BOD1L1: variants seen among roughly 807,000 people sequenced by gnomAD.
The protein encoded by BOD1L1 is biorientation of chromosomes in cell division 1 like 1, also known as biorientation of chromosomes in cell division protein 1-like 1.
BOD1L1 carries 86 observed loss-of-function variants against 240.7 expected under a neutral mutation model. That is an observed-to-expected ratio of 0.36 (90% confidence interval 0.30 to 0.43). The LOEUF is 0.43. Ranked by LOEUF, BOD1L1 falls within the 20% of genes least tolerant of loss-of-function variation. BOD1L1 has a pLI of 1.00. For synonymous variants in BOD1L1, 1,268 were observed against 1,272.3 expected, an observed-to-expected ratio of 1.00 and a Z score of 0.07; for missense variants, 3,554 against 3,643.5, an observed-to-expected ratio of 0.98 and a Z score of 0.63.
chr4:13,612,989 T>C (rs1195763386), intron 5 of BOD1L1, among the ~76,000 whole-genome samples: 1 of 152,220 alleles, frequency 6.6e-6, no homozygotes, highest in Admixed American at 6.5e-5. Flanking sequence ...TGGAAGTAAC[T>C]GTCTGAAACT....
In BOD1L1 at chr4:13,600,062, A is replaced by G; in HGVS notation, c.6838T>C (p.Ser2280Pro). ...SAVPQEEGDP[S>P]VTPAEEMGDT... ...CCCATCTCTTCCGCTGGTGTGACTG[A>G]GGGGTCGCCTTCCTCTTGAGGGACA... The change falls in exon 10 of 26, where the codon TCA (serine) becomes CCA (proline). Residue 2280 changes from serine to proline, a missense_variant. Around this residue, in one of 2 missense-constraint regions of BOD1L1, gnomAD observed 3,393 missense variants for 3,427.1 expected, o/e 0.99. Transcript: ENST00000040738. 6.2e-7 allele frequency: 1 copy of G among 1,612,590 alleles called. No homozygotes were observed. The highest frequency in any genetic ancestry group is 8.5e-7 in the Non-Finnish European group (1 of 1,179,308).
chr4:13,596,981 C>T, intron 11 of BOD1L1, 123 bp downstream of exon 11: 1 of 760,752 alleles, frequency 1.3e-6, no homozygotes, highest in South Asian at 1.8e-5. Context: ...GCAATAACAA[C>T]ACTAAATATC....
Position 13,604,657 on chromosome 4 carries a change from T to A in BOD1L1, c.2243A>T (p.Asp748Val), listed in dbSNP as rs766786191. The change falls in exon 10 of 26, where the codon GAT becomes GTT. Residue 748 changes from aspartate (D) to valine (V), a missense_variant. This residue lies in a region of BOD1L1 where 3,393 missense variants were observed against 3,427.1 expected (regional missense o/e 0.99). Coordinates refer to ENST00000040738, the MANE Select transcript of BOD1L1 (RefSeq NM_148894.3). ...CTCATCACCTGTTTTATGCATACAA[T>A]CACCTTTATATTTATGTTTCACAGA... ...KLSVKHKYKG[D>V]CMHKTGDETE... is the part of the protein sequence containing the mutation. The A allele has an allele frequency of 6.3e-7, 1 of 1,584,690 alleles. No individual in the cohort carries two copies. The highest frequency in any genetic ancestry group is 1.4e-5 in the African/African-American group (1 of 73,094).
At chr4:13,574,989 G>A (rs551675932) in intron 25 of BOD1L1, among the ~76,000 whole-genome samples, 5 of 149,914 alleles carry the variant, frequency 3.3e-5, no homozygotes, top group African/African-American at 1.2e-4. Context: ...GCGTGATCTC[G>A]GCTCACTGCA....
Position 13,599,513 on chromosome 4 carries a change from T to A in BOD1L1, c.7387A>T (p.Asn2463Tyr). The change falls in exon 10 of 26, where the codon AAT (asparagine) becomes TAT (tyrosine). Residue 2463 changes from asparagine (N) to tyrosine (Y), a missense_variant. Coordinates refer to ENST00000040738, the MANE Select transcript of BOD1L1 (RefSeq NM_148894.3). Reference sequence around the variant, plus strand: ...TTCTGAAGGGAGTTCAACAATACATTCTTCTCTTCTGCATTTATGAGGTGT... The same window carrying A: ...TTCTGAAGGGAGTTCAACAATACATACTTCTCTTCTGCATTTATGAGGTGT... ...TLHLINAEEK[N>Y]VLLNSLQKED... 6.2e-7 allele frequency: 1 copy of A among 1,613,994 alleles called. No individual in the cohort carries two copies. The highest frequency in any genetic ancestry group is 8.5e-7 in the Non-Finnish European group (1 of 1,179,890).
chr4:13,575,895 CTTTTTTTTT>C (rs35101769), intron 25 of BOD1L1, among the ~76,000 whole-genome samples: 3,913 of 119,100 alleles, frequency 0.033, 181 homozygotes, highest in African/African-American at 0.11. Flanking sequence ...TTGCCAAACC[CTTTTTTTTT>C]TTTTTTTTTT....
In BOD1L1 at chr4:13,607,123, T is replaced by A; in HGVS notation, c.1809A>T (p.Thr603=). Reference sequence around the variant, plus strand: ...AGGTTTTATTAAGGCATACCTCACTTGTTTTAAGGGTTTCTTTGGAATCTT... The same window carrying A: ...AGGTTTTATTAAGGCATACCTCACTAGTTTTAAGGGTTTCTTTGGAATCTT... ...YEEDSKETLK[T]SEHCEKEKIS... The change falls in exon 9 of 26, where the codon ACA becomes ACT. Residue 603 remains threonine, a synonymous_variant. Transcript: ENST00000040738. 1.9e-6 allele frequency: 3 copies of A among 1,560,028 alleles called. No homozygotes were observed. The highest frequency in any genetic ancestry group is 2.6e-6 in the Non-Finnish European group (3 of 1,151,302).
At chr4:13,606,868 T>C (rs964874284) in intron 9 of BOD1L1, among the ~76,000 whole-genome samples, 2 of 152,154 alleles carry the variant, frequency 1.3e-5, no homozygotes, top group African/African-American at 4.8e-5. Flanking sequence ...TTTTTGTTAT[T>C]GCAATTATAA....
At chr4:13,607,644 A>C (rs74823419) in intron 8 of BOD1L1, among the ~76,000 whole-genome samples, 2 of 152,338 alleles carry the variant, frequency 1.3e-5, no homozygotes, top group South Asian at 4.1e-4. Flanking sequence ...GACTTGTTAC[A>C]TTTCAATTTA....
intron 6 of BOD1L1, among the ~76,000 whole-genome samples, 155 bp from the exon 7 acceptor site, chr4:13,609,561 T>C (rs978103618): frequency 2.0e-5 from 3 of 152,042 alleles, no homozygotes; most frequent in Non-Finnish European, 4.4e-5. Context: ...TATACACACA[T>C]TTATCTCTGT....
chr4:13,587,945 G>T (rs899224943), intron 15 of BOD1L1, among the ~76,000 whole-genome samples, 174 bp from the exon 16 acceptor site: 1 of 152,110 alleles, frequency 6.6e-6, no homozygotes, highest in Admixed American at 6.6e-5. Context: ...CAGCACTTTG[G>T]GAGGCCCAGG....
In BOD1L1 at chr4:13,609,387, C is replaced by G; in HGVS notation, c.1511G>C (p.Arg504Thr). The G allele has an allele frequency of 1.3e-6, 2 of 1,523,642 alleles. No homozygotes were observed. The highest frequency in any genetic ancestry group is 1.4e-5 in the African/African-American group (1 of 71,278). 94.4% of individuals were successfully genotyped at this position (1,523,642 alleles called of 1,614,324 possible). A position where few individuals can be genotyped will look rare whatever the true frequency, so the allele number is the denominator to read the frequency against. Residue 504 changes from arginine to threonine, a missense_variant, in exon 7 of 26, where the codon AGG becomes ACG. Physicochemically the swap from Arg to Thr is moderately conservative, Grantham distance 71. Transcript: ENST00000040738. Reference sequence around the variant, plus strand: ...TCTATTGATTTGCCTTCTTAAAAGCCTCTCTTCTTTTTCTTTGGCCTAAAA... The same window carrying G: ...TCTATTGATTTGCCTTCTTAAAAGCGTCTCTTCTTTTTCTTTGGCCTAAAA... Reference protein sequence around the residue: ...RQSIAKEKEERLLRRQINREK... With the variant: ...RQSIAKEKEETLLRRQINREK...
Position 13,599,604 on chromosome 4 carries a change from C to A in BOD1L1, c.7296G>T (p.Glu2432Asp). 1 of 1,614,040 alleles carries A rather than the reference C, an allele frequency of 6.2e-7. No homozygotes were observed. The highest frequency in any genetic ancestry group is 8.5e-7 in the Non-Finnish European group (1 of 1,179,910). ...TTTCGGGGCACTCCTTGCCATGCTT[C>A]TCTTCTTTTTCCGCACAAACAGCAC... Reference protein sequence around the residue: ...HPSAVCAEKEEKHGKECPEIG... With the variant: ...HPSAVCAEKEDKHGKECPEIG... The change falls in exon 10 of 26, where the codon GAG becomes GAT. Residue 2432 changes from glutamate to aspartate, a missense_variant. This residue lies in a region of BOD1L1 where 3,393 missense variants were observed against 3,427.1 expected (regional missense o/e 0.99). Coordinates refer to ENST00000040738, the MANE Select transcript of BOD1L1 (RefSeq NM_148894.3).
intron 14 of BOD1L1, among the ~76,000 whole-genome samples, chr4:13,589,082 C>T (rs1713965769): frequency 6.6e-6 from 1 of 152,206 alleles, no homozygotes; most frequent in Admixed American, 6.5e-5. Flanking sequence ...CAGAAGACTT[C>T]AAGGCCCTTC....
At chr4:13,572,562 GTTC>G (rs767384818) in intron 25 of BOD1L1, 6 of 882,332 alleles carry the variant, frequency 6.8e-6, no homozygotes, top group South Asian at 1.7e-5. Flanking sequence ...AGCCCTTCCT[GTTC>G]TTCTTGGAAA....
rs964422274 is a variant in BOD1L1 at position 13,613,982 on chromosome 4, A to G, written c.1174+214T>C. Among the ~76,000 whole-genome samples the G allele has an allele frequency of 2.6e-5, 4 of 152,212 alleles. No individual in the cohort carries two copies. Among genetic ancestry groups the G allele is most frequent in the African/African-American group, 9.6e-5 (4 of 41,460 alleles). Reference sequence around the variant, plus strand: ...ATGTGAATAAATTATAAGACAAATTATAAATTAATAACTTCTGTTAATTTA... The same window carrying G: ...ATGTGAATAAATTATAAGACAAATTGTAAATTAATAACTTCTGTTAATTTA... On this transcript the variant is annotated intron_variant, in intron 4 of 25. Coordinates refer to ENST00000040738, the MANE Select transcript of BOD1L1 (RefSeq NM_148894.3). The surrounding 1 kb of genome is among the most constrained non-coding windows in gnomAD (Gnocchi z 4.0).
rs184236452 is a variant in BOD1L1 at position 13,591,078 on chromosome 4, T to A, written c.8149-632A>T. On this transcript the variant is annotated intron_variant, in intron 13 of 25. Coordinates refer to ENST00000040738, the MANE Select transcript of BOD1L1 (RefSeq NM_148894.3). ...AAAGTGTATTTTATTAAAAAAAAAATTTTTTTTTTAAATAAAAAATTATGC... is the reference window on the plus strand; with the variant it reads ...AAAGTGTATTTTATTAAAAAAAAAAATTTTTTTTTAAATAAAAAATTATGC... Among the ~76,000 whole-genome samples the A allele has an allele frequency of 5.2e-3, 790 of 150,534 alleles. 8 individuals carry two copies. Among genetic ancestry groups the A allele is most frequent in the African/African-American group, 0.018 (738 of 40,966 alleles).
At chr4:13,625,183 A>G (rs1717300610) in intron 1 of BOD1L1, 2 of 152,336 alleles carry the variant, frequency 1.3e-5, no homozygotes, top group African/African-American at 2.4e-5. Flanking sequence ...TGTTGTAACA[A>G]TATCATTCAA....
rs775936353 is a variant in BOD1L1 at position 13,588,767 on chromosome 4, G to A, written c.8235C>T (p.Asn2745=). The A allele has an allele frequency of 8.7e-6, 14 of 1,601,812 alleles. No individual in the cohort carries two copies. The highest frequency in any genetic ancestry group is 1.7e-5 in the Admixed American group (1 of 58,994). ...KGEISSGRKD[N]AEAISGHSVE... is the part of the protein sequence containing the mutation. ...CACTGTGACCGCTTATGGCTTCTGC[G>A]TTGTCTTTTCTACCACTGGATATCT... Residue 2745 remains asparagine, a synonymous_variant, in exon 15 of 26, where the codon AAC becomes AAT. Coordinates refer to ENST00000040738, the MANE Select transcript of BOD1L1 (RefSeq NM_148894.3).
Sources: allele counts gnomAD v4.1 joint callset (sites outside exome capture counted in the v4.1 genomes callset), GRCh38; gene constraint gnomAD v4.1.1; regional missense constraint gnomAD v4.1.1; non-coding constraint Gnocchi (gnomAD v3.1); transcripts MANE v1.5; gene names NCBI Gene and HGNC (gene_info 2026-07-23, HGNC 2026-07-21).